Variants in RGL1 observed in about 807,000 individuals in gnomAD.
RGL1 encodes ral guanine nucleotide dissociation stimulator like 1.
Under a neutral mutation model 95.2 loss-of-function variants are expected in RGL1, and 24 were observed. That is an observed-to-expected ratio of 0.25 (90% confidence interval 0.18 to 0.35). The LOEUF is 0.35. Among genes scored for constraint, RGL1 ranks in the 10% least tolerant of loss-of-function variants. The probability of loss-of-function intolerance (pLI) is 1.00; values close to 1 mark genes in which losing one functional copy is unlikely to be tolerated. For synonymous variants in RGL1, 329 were observed against 344.9 expected (o/e 0.95, Z 0.51); for missense variants, 715 against 936.3 (o/e 0.76, Z 3.08).
intron 2 of RGL1, among the ~76,000 whole-genome samples, chr1:183,757,410 AT>A (rs1251528584): frequency 6.6e-6 from 1 of 152,166 alleles, no homozygotes; most frequent in East Asian, 1.9e-4. Flanking sequence ...AAAGCCAGCT[AT>A]TTGCTGAATT....
intron 2 of RGL1, among the ~76,000 whole-genome samples, chr1:183,814,595 A>G (rs1466522915): frequency 6.6e-6 from 1 of 152,170 alleles, no homozygotes; most frequent in Non-Finnish European, 1.5e-5. Flanking sequence ...TCAGCAATTC[A>G]ACTTTTTTCC....
At chr1:183,906,258 G>T (rs559358565) in intron 13 of RGL1, among the ~76,000 whole-genome samples, 2 of 152,154 alleles carry the variant, frequency 1.3e-5, no homozygotes, top group Non-Finnish European at 2.9e-5. Context: ...ACTCAGTAAC[G>T]AAATACATCT....
At chr1:183,809,900 C>T (rs1025568749) in intron 2 of RGL1, among the ~76,000 whole-genome samples, 10 of 152,154 alleles carry the variant, frequency 6.6e-5, no homozygotes, top group East Asian at 3.9e-4. Context: ...AAGGCTGTAG[C>T]GAGCCATGAT....
At chr1:183,852,802 CA>C (rs947408934) in intron 3 of RGL1, among the ~76,000 whole-genome samples, 7 of 147,014 alleles carry the variant, frequency 4.8e-5, no homozygotes, top group Admixed American at 1.3e-4. Flanking sequence ...GACTTGGTCT[CA>C]AAAAAAATCA....
intron 2 of RGL1, among the ~76,000 whole-genome samples, chr1:183,785,193 C>T (rs1660095727): frequency 6.6e-6 from 1 of 152,212 alleles, no homozygotes; most frequent in South Asian, 2.1e-4. Flanking sequence ...AATTCCTTAG[C>T]ATGGCCCCCA....
At chr1:183,836,901 G>A (rs1663701927) in intron 2 of RGL1, among the ~76,000 whole-genome samples, 2 of 152,138 alleles carry the variant, frequency 1.3e-5, no homozygotes, top group Non-Finnish European at 2.9e-5. Context: ...TGAATTCCGA[G>A]ATCCAGGGGA....
chr1:183,757,556 T>C (rs1658418550), intron 2 of RGL1, among the ~76,000 whole-genome samples: 1 of 152,212 alleles, frequency 6.6e-6, no homozygotes, highest in South Asian at 2.1e-4. Context: ...TAAAAATGCT[T>C]TGATATATGA....
At chr1:183,684,729 G>C (rs1328818169) in intron 1 of RGL1, among the ~76,000 whole-genome samples, 2 of 152,316 alleles carry the variant, frequency 1.3e-5, no homozygotes, top group African/African-American at 4.8e-5. Context: ...AGGGACCCGA[G>C]GGAATCTCCT....
chr1:183,768,814 C>A (rs966446419), intron 2 of RGL1, among the ~76,000 whole-genome samples: 16 of 152,056 alleles, frequency 1.1e-4, no homozygotes, highest in African/African-American at 3.6e-4. Flanking sequence ...ATTTTATATA[C>A]GGAATTACAT....
chr1:183,789,099 C>T (rs1248830904), intron 2 of RGL1, among the ~76,000 whole-genome samples: 1 of 152,178 alleles, frequency 6.6e-6, no homozygotes, highest in East Asian at 1.9e-4. Flanking sequence ...TCTGTTTCTC[C>T]CTCTAATCCA....
chr1:183,731,965 G>A (rs1271645748), intron 1 of RGL1, among the ~76,000 whole-genome samples: 1 of 152,006 alleles, frequency 6.6e-6, no homozygotes, highest in Non-Finnish European at 1.5e-5. Flanking sequence ...TCTTTGTTTC[G>A]CCCTGCCCCA....
rs527527244 is a variant in RGL1, at chr1:183,652,514, C to G, written c.-33+16013C>G. Among the ~76,000 whole-genome samples, 30 of 152,352 alleles carry G rather than the reference C, an allele frequency of 2.0e-4. No homozygotes were observed. The South Asian group carries it at 5.8e-3, about 29-fold the overall frequency. On this transcript the variant is annotated intron_variant, in intron 1 of 18. Coordinates refer to the RGL1 transcript ENST00000304685. The stretch of plus-strand genomic sequence containing the variant: ...GGAAAGAACTGTTGCCCTCTTTGAA[C>G]TCTTAGAGAATTCATGGTTTATTGT...
chr1:183,702,475 T>C (rs115423768), intron 1 of RGL1, among the ~76,000 whole-genome samples: 220 of 152,368 alleles, frequency 1.4e-3, no homozygotes, highest in African/African-American at 5.0e-3. Flanking sequence ...AGTAGATCCA[T>C]CAGATGAACG....
intron 1 of RGL1, among the ~76,000 whole-genome samples, chr1:183,733,929 G>A (rs778151817): frequency 1.1e-4 from 16 of 152,222 alleles, no homozygotes; most frequent in Non-Finnish European, 1.9e-4. Flanking sequence ...CTTAGAGCCA[G>A]CTCACTCTAC....
intron 2 of RGL1, among the ~76,000 whole-genome samples, chr1:183,754,263 G>T (rs1171940483): frequency 6.6e-6 from 1 of 151,990 alleles, no homozygotes; most frequent in Non-Finnish European, 1.5e-5. Flanking sequence ...CACATTTTAG[G>T]GTCTCAGTTT....
chr1:183,864,513 G>A (rs1441688449), intron 3 of RGL1, among the ~76,000 whole-genome samples: 1 of 152,168 alleles, frequency 6.6e-6, no homozygotes, highest in East Asian at 1.9e-4. Context: ...AGTTTGCTAC[G>A]ATGTTGGCCA....
intron 2 of RGL1, among the ~76,000 whole-genome samples, chr1:183,836,294 A>G (rs1379145730): frequency 6.6e-6 from 1 of 151,880 alleles, no homozygotes; most frequent in African/African-American, 2.4e-5. Flanking sequence ...CTTGTTGCCC[A>G]GGTTGGAGTG....
chr1:183,726,367 T>C (rs1043458828), intron 1 of RGL1, among the ~76,000 whole-genome samples: 3 of 151,820 alleles, frequency 2.0e-5, no homozygotes, highest in African/African-American at 4.8e-5. Context: ...GTATAATAGA[T>C]AAACTGCTGG....
At chr1:183,875,871 CAAA>C (rs375478958) in intron 4 of RGL1, among the ~76,000 whole-genome samples, 1 of 99,442 alleles carries the variant, frequency 1.0e-5, no homozygotes. Flanking sequence ...AGCTCTGTCT[CAAA>C]AAAAAAAAAA....
Sources: gnomAD v4.1 joint callset for allele counts (sites outside exome capture counted in the v4.1 genomes callset) on GRCh38, gnomAD v4.1.1 for gene constraint, MANE v1.5 for transcripts, NCBI Gene and HGNC (gene_info 2026-07-23, HGNC 2026-07-21) for gene names.